Variants in TMIGD3 observed in about 807,000 individuals in gnomAD.
The protein encoded by TMIGD3 is transmembrane and immunoglobulin domain containing 3, also known as AD026 protein (AD026).
Under a neutral mutation model 28.1 loss-of-function variants are expected in TMIGD3, and 21 were observed. The observed-to-expected ratio is 0.75, with a 90% CI of 0.53 to 1.08. The LOEUF is 1.08. TMIGD3 is among the 50% of genes least tolerant of loss of function. The pLI, the probability that TMIGD3 is intolerant of heterozygous loss-of-function variation, is 0.00. For synonymous variants in TMIGD3, 151 were observed against 162.1 expected (o/e 0.93, Z 0.52); for missense variants, 416 against 435.6 (o/e 0.96, Z 0.40).
chr1:111,526,863 A>C (rs1298877218), intron 1 of TMIGD3, among the ~76,000 whole-genome samples: 9 of 152,080 alleles, frequency 5.9e-5, no homozygotes, highest in African/African-American at 2.2e-4. Context: ...TCTGGAAGCC[A>C]CTGATGTTTT....
At chr1:111,531,065 C>A (rs1356675047) in intron 1 of TMIGD3, among the ~76,000 whole-genome samples, 1 of 152,168 alleles carries the variant, frequency 6.6e-6, no homozygotes, top group Non-Finnish European at 1.5e-5. Flanking sequence ...GTTGCTTGAG[C>A]TCAGGAGCTC....
chr1:111,537,249 C>T (rs1198106240), intron 1 of TMIGD3, among the ~76,000 whole-genome samples: 2 of 152,224 alleles, frequency 1.3e-5, no homozygotes, highest in African/African-American at 4.8e-5. Context: ...GTCCAAATTG[C>T]TGTATGCCTA....
chr1:111,529,974 ATGGGGCGGCTGGCCGGG>A (rs1656401227), intron 1 of TMIGD3, among the ~76,000 whole-genome samples: 1 of 95,012 alleles, frequency 1.1e-5, no homozygotes, highest in Non-Finnish European at 2.1e-5. Flanking sequence ...CACCTCCCGG[ATGGGGCGGCTGGCCGGG>A]CGGGGCGCTG....
chr1:111,501,524 G>C (rs1655174460), intron 1 of TMIGD3, among the ~76,000 whole-genome samples: 1 of 152,198 alleles, frequency 6.6e-6, no homozygotes, highest in African/African-American at 2.4e-5. Flanking sequence ...AGCACAGACT[G>C]TGTGACAGGT....
intron 1 of TMIGD3, chr1:111,499,975 G>C: frequency 1.2e-6 from 2 of 1,614,116 alleles, no homozygotes; most frequent in Middle Eastern, 3.3e-4. Flanking sequence ...CTCAATGCTT[G>C]TGTCCAAAGA....
At chr1:111,485,888 A>G (rs764866401) in intron 4 of TMIGD3, 48 bp from the exon 5 acceptor site, 2 of 1,443,542 alleles carry the variant, frequency 1.4e-6, no homozygotes, top group Non-Finnish European at 1.9e-6. Flanking sequence ...GAAACTGCCT[A>G]TTGATTCTCA....
At chr1:111,558,917 A>C (rs1326927025) in intron 1 of TMIGD3, among the ~76,000 whole-genome samples, 10 of 152,190 alleles carry the variant, frequency 6.6e-5, no homozygotes, top group African/African-American at 2.4e-4. Context: ...TGTAAAACGT[A>C]GTAACAAGTG....
upstream of TMIGD3, chr1:111,504,932 C>T (rs1655427438): frequency 1.0e-6 from 1 of 985,196 alleles, no homozygotes; most frequent in African/African-American, 1.7e-5. Flanking sequence ...GGGCAGTCCT[C>T]TCCAACTGAA....
intron 1 of TMIGD3, among the ~76,000 whole-genome samples, chr1:111,536,065 C>G (rs1656629072): frequency 6.6e-6 from 1 of 152,140 alleles, no homozygotes; most frequent in African/African-American, 2.4e-5. Flanking sequence ...GCAAAAACAA[C>G]ACTCCAAACA....
chr1:111,500,461 C>T (rs1338952774), intron 1 of TMIGD3: 7 of 1,614,156 alleles, frequency 4.3e-6, no homozygotes, highest in Non-Finnish European at 5.1e-6. Context: ...TTTCATGTTC[C>T]AGCCAAACAT....
chr1:111,539,226 T>C (rs777686999), intron 1 of TMIGD3, among the ~76,000 whole-genome samples: 9 of 152,216 alleles, frequency 5.9e-5, no homozygotes, highest in Admixed American at 2.0e-4. Flanking sequence ...CCTGATACTA[T>C]GCTCTTCAGC....
chr1:111,497,068 G>C (rs1258266750), intron 1 of TMIGD3, among the ~76,000 whole-genome samples: 1 of 152,180 alleles, frequency 6.6e-6, no homozygotes, highest in African/African-American at 2.4e-5. Flanking sequence ...AGCTGAGAGA[G>C]CAAGCCAGAA....
In TMIGD3 at chr1:111,499,998, G is replaced by A. The variant is rs1306338930; in HGVS notation, c.350+3007C>T. ...TTGTGTCCAAAGAATCAGAGGGATG[G>A]CAGACCACACAAGCTTTGAGGATCA... On this transcript the variant is annotated intron_variant, in intron 1 of 5. Coordinates refer to ENST00000369716, the MANE Select transcript of TMIGD3 (RefSeq NM_020683.7). 6 of 1,613,992 alleles carry A rather than the reference G, an allele frequency of 3.7e-6. No individual in the cohort carries two copies. In the Admixed American group the frequency reaches 5.0e-5, roughly 13 times the overall value.
chr1:111,552,660 C>G (rs1237817374), intron 1 of TMIGD3, among the ~76,000 whole-genome samples: 1 of 152,136 alleles, frequency 6.6e-6, no homozygotes, highest in Non-Finnish European at 1.5e-5. Flanking sequence ...CCAGGCAGGC[C>G]TTGAGAGGCA....
chr1:111,533,941 T>C (rs983899177), intron 1 of TMIGD3, among the ~76,000 whole-genome samples: 1 of 152,148 alleles, frequency 6.6e-6, no homozygotes, highest in African/African-American at 2.4e-5. Context: ...GTTGGGTGAC[T>C]TTGGGCCAGT....
upstream of TMIGD3, chr1:111,503,765 G>T: frequency 9.8e-7 from 1 of 1,022,950 alleles, no homozygotes; most frequent in Non-Finnish European, 1.2e-6. Context: ...AGTGAGATGG[G>T]CCAAGAGGAA....
intron 1 of TMIGD3, among the ~76,000 whole-genome samples, chr1:111,510,400 T>A (rs1231323166): frequency 6.6e-6 from 1 of 152,016 alleles, no homozygotes; most frequent in Non-Finnish European, 1.5e-5. Flanking sequence ...TACTATCTGT[T>A]GCTATGTCTC....
rs79873146 is a variant in TMIGD3, at chr1:111,539,782, T to C, written c.107+24064A>G. Among the ~76,000 whole-genome samples, 1,444 of 152,150 alleles carry C rather than the reference T, an allele frequency of 9.5e-3. 28 individuals are homozygous for C. The highest frequency in any genetic ancestry group is 0.033 in the African/African-American group (1,386 of 41,486). On this transcript the variant is annotated intron_variant, in intron 1 of 5. Coordinates refer to the TMIGD3 transcript ENST00000369717. ...TGTTTGAGGCAGCTTATTCCAGCCA[T>C]AGAAAGGGGATGGATTTAAGCAGGA...
intron 1 of TMIGD3, among the ~76,000 whole-genome samples, chr1:111,502,055 TAA>T (rs1473422532): frequency 2.9e-5 from 4 of 139,660 alleles, no homozygotes; most frequent in African/African-American, 5.2e-5. Flanking sequence ...TTTAATATAA[TAA>T]ATATATAGGA....
Sources: allele counts gnomAD v4.1 joint callset (sites outside exome capture counted in the v4.1 genomes callset), GRCh38; gene constraint gnomAD v4.1.1; transcripts MANE v1.5; gene names NCBI Gene and HGNC (gene_info 2026-07-23, HGNC 2026-07-21).